The following CHRM3 variants were observed in gnomAD, a reference collection of about 807,000 sequenced individuals.
CHRM3 encodes the protein muscarinic acetylcholine receptor M3.
Under a neutral mutation model 41.8 loss-of-function variants are expected in CHRM3, and 11 were observed. The ratio of observed to expected loss-of-function variants is 0.26; its 90% CI spans 0.17 to 0.44. The LOEUF (loss-of-function observed/expected upper bound fraction) is 0.44. CHRM3 is among the 20% of genes least tolerant of loss of function. The probability of loss-of-function intolerance (pLI) is 1.00; values close to 1 mark genes in which losing one functional copy is unlikely to be tolerated. For synonymous variants in CHRM3, 297 were observed against 301.4 expected, an observed-to-expected ratio of 0.99 and a Z score of 0.15; for missense variants, 571 against 745.4, an observed-to-expected ratio of 0.77 and a Z score of 2.72.
At chr1:239,569,263 A>G (rs936652606) in intron 3 of CHRM3, among the ~76,000 whole-genome samples, 5 of 152,194 alleles carry the variant, frequency 3.3e-5, no homozygotes, top group Non-Finnish European at 7.3e-5. Context: ...GTTTTTAAAA[A>G]TGGTAAATGG....
intron 6 of CHRM3, among the ~76,000 whole-genome samples, chr1:239,900,229 G>T (rs1169288567): frequency 2.0e-5 from 3 of 151,994 alleles, no homozygotes; most frequent in African/African-American, 7.3e-5. Flanking sequence ...GTAAACTGAG[G>T]GCTCTTAGCC....
chr1:239,549,060 C>G (rs1025607562), intron 3 of CHRM3, among the ~76,000 whole-genome samples: 1 of 152,080 alleles, frequency 6.6e-6, no homozygotes, highest in East Asian at 1.9e-4. Context: ...GCAGCAGGCA[C>G]AGAGAGAGCT....
intron 5 of CHRM3, among the ~76,000 whole-genome samples, chr1:239,821,621 C>T (rs1291920928): frequency 6.6e-6 from 1 of 152,212 alleles, no homozygotes; most frequent in Non-Finnish European, 1.5e-5. Flanking sequence ...CACGTCAACA[C>T]ACAATCCCTT....
intron 5 of CHRM3, among the ~76,000 whole-genome samples, chr1:239,774,642 T>C (rs1196833679): frequency 6.6e-6 from 1 of 152,218 alleles, no homozygotes; most frequent in Non-Finnish European, 1.5e-5. Flanking sequence ...TTCAGAATAA[T>C]GTTAGCCATC....
At chr1:239,495,737 T>G (rs1377463663) in intron 2 of CHRM3, among the ~76,000 whole-genome samples, 1 of 152,142 alleles carries the variant, frequency 6.6e-6, no homozygotes, top group Non-Finnish European at 1.5e-5. Flanking sequence ...GAGGAAGAAA[T>G]CATCAAATCC....
intron 1 of CHRM3, among the ~76,000 whole-genome samples, chr1:239,424,597 AT>A (rs1300822610): frequency 6.6e-6 from 1 of 152,224 alleles, no homozygotes; most frequent in East Asian, 1.9e-4. Context: ...GTAAATACAC[AT>A]TTGTAACTGA....
At chr1:239,484,811 C>T (rs984790815) in intron 1 of CHRM3, among the ~76,000 whole-genome samples, 1 of 152,130 alleles carries the variant, frequency 6.6e-6, no homozygotes, top group African/African-American at 2.4e-5. Flanking sequence ...GCACAGAGTA[C>T]ACACCGTGTA....
intron 6 of CHRM3, among the ~76,000 whole-genome samples, chr1:239,844,747 C>T (rs1558173191): frequency 6.6e-6 from 1 of 152,272 alleles, no homozygotes; most frequent in East Asian, 1.9e-4. Context: ...TACTGAGATG[C>T]AGAAAGACTA....
At chr1:239,560,674 G>C (rs1660771256) in intron 3 of CHRM3, among the ~76,000 whole-genome samples, 1 of 151,076 alleles carries the variant, frequency 6.6e-6, no homozygotes, top group East Asian at 1.9e-4. Flanking sequence ...ATATATGTGT[G>C]TATATATATA....
intron 6 of CHRM3, among the ~76,000 whole-genome samples, chr1:239,840,775 A>C (rs1352037608): frequency 3.3e-5 from 5 of 152,234 alleles, no homozygotes; most frequent in Non-Finnish European, 5.9e-5. Flanking sequence ...AGTTAACATA[A>C]GAAAAAGGGT....
chr1:239,809,807 T>C (rs1002855082), intron 5 of CHRM3, among the ~76,000 whole-genome samples: 2 of 152,150 alleles, frequency 1.3e-5, no homozygotes, highest in Non-Finnish European at 2.9e-5. Flanking sequence ...CCTACTGTAG[T>C]TGTTTTCCAA....
At chr1:239,558,438 T>C (rs1351342771) in intron 3 of CHRM3, among the ~76,000 whole-genome samples, 1 of 152,190 alleles carries the variant, frequency 6.6e-6, no homozygotes, top group Non-Finnish European at 1.5e-5. Flanking sequence ...AAAAAAACTT[T>C]CCAATGTCTG....
intron 2 of CHRM3, among the ~76,000 whole-genome samples, chr1:239,529,842 G>C (rs1446376735): frequency 6.6e-6 from 1 of 151,954 alleles, no homozygotes; most frequent in Non-Finnish European, 1.5e-5. Flanking sequence ...TTAAAAACAA[G>C]TTTACTAGAC....
intron 2 of CHRM3, among the ~76,000 whole-genome samples, chr1:239,532,622 C>CAA (rs56408389): frequency 3.5e-5 from 4 of 114,834 alleles, no homozygotes; most frequent in African/African-American, 1.0e-4. Context: ...GACTGCCTCT[C>CAA]AAAAAAAAAA....
chr1:239,491,312 A>T (rs1667540130), intron 1 of CHRM3, among the ~76,000 whole-genome samples: 1 of 152,140 alleles, frequency 6.6e-6, no homozygotes, highest in African/African-American at 2.4e-5. Flanking sequence ...CTGCACTTTT[A>T]TATCTATTAA....
intron 2 of CHRM3, among the ~76,000 whole-genome samples, chr1:239,528,050 G>A (rs183006665): frequency 1.3e-5 from 2 of 152,286 alleles, no homozygotes; most frequent in Admixed American, 1.3e-4. Flanking sequence ...CTAAAATGAG[G>A]ACCCTCAAAG....
At chr1:239,446,084 G>A (rs183925488) in intron 1 of CHRM3, among the ~76,000 whole-genome samples, 119 of 152,098 alleles carry the variant, frequency 7.8e-4, no homozygotes, top group African/African-American at 2.7e-3. Context: ...CTACAGGTGT[G>A]CACCACCACA....
chr1:239,701,228 CA>C (rs1201427096), intron 5 of CHRM3, among the ~76,000 whole-genome samples: 4 of 152,196 alleles, frequency 2.6e-5, no homozygotes, highest in African/African-American at 9.6e-5. Context: ...AAAGTCAGTT[CA>C]ACTAGGCAGA....
At chr1:239,635,260 G>T (rs535222058) in intron 4 of CHRM3, among the ~76,000 whole-genome samples, 2 of 152,112 alleles carry the variant, frequency 1.3e-5, no homozygotes, top group African/African-American at 2.4e-5. Context: ...ACCTCCATCA[G>T]ATCTTGTTAT....
Sources: allele counts gnomAD v4.1 joint callset (sites outside exome capture counted in the v4.1 genomes callset), GRCh38; gene constraint gnomAD v4.1.1; transcripts MANE v1.5; gene names NCBI Gene and HGNC (gene_info 2026-07-23, HGNC 2026-07-21).